The following PPP6R2 variants were observed in gnomAD, a reference collection of about 807,000 sequenced individuals.
PPP6R2 encodes protein phosphatase 6 regulatory subunit 2.
PPP6R2 carries 62 observed loss-of-function variants against 100.2 expected under a neutral mutation model. That is an observed-to-expected ratio of 0.62 (90% CI 0.50 to 0.76). The LOEUF (loss-of-function observed/expected upper bound fraction) is 0.76. Ranked by LOEUF, PPP6R2 falls within the 30% of genes least tolerant of loss-of-function variation. The probability of loss-of-function intolerance (pLI) is 0.00; values close to 1 mark genes in which losing one functional copy is unlikely to be tolerated. For synonymous variants in PPP6R2, 525 were observed against 514.7 expected, an observed-to-expected ratio of 1.02 and a Z score of -0.27; for missense variants, 1,142 against 1,276.3, an observed-to-expected ratio of 0.89 and a Z score of 1.60.
chr22:50,419,903 TC>T (rs2061081722), intron 8 of PPP6R2, among the ~76,000 whole-genome samples: 1 of 152,342 alleles, frequency 6.6e-6, no homozygotes, highest in African/African-American at 2.4e-5. Context: ...CACCGCTGTC[TC>T]CCGTGCCCTG....
rs182371519 is a variant in PPP6R2, at chr22:50,438,023, G to A, written c.1839+123G>A. On this transcript the variant is annotated intron_variant, in intron 17 of 23. Transcript: ENST00000612753. ...TGGGAGAGGCCCCTCTGTGGAGCTC[G>A]GAACAGTCGCTTTCCTTGCCCCTCC... 3,951 of 1,494,594 alleles carry A rather than the reference G, an allele frequency of 2.6e-3. 10 individuals carry two copies. Among genetic ancestry groups the A allele is most frequent in the African/African-American group, 5.2e-3 (372 of 71,728 alleles). 92.6% of individuals were successfully genotyped at this position (1,494,594 alleles called of 1,614,324 possible). A position where few individuals can be genotyped will look rare whatever the true frequency, so the allele number is the denominator to read the frequency against.
At chr22:50,437,425 T>C in intron 15 of PPP6R2, 81 bp from the exon 16 acceptor site, 1 of 969,566 alleles carries the variant, frequency 1.0e-6, no homozygotes, top group South Asian at 1.4e-5. Flanking sequence ...GAGATTGTGG[T>C]TCCCAAAGAG....
chr22:50,428,413 G>C (rs2062575513), intron 10 of PPP6R2, among the ~76,000 whole-genome samples: 1 of 152,058 alleles, frequency 6.6e-6, no homozygotes, highest in African/African-American at 2.4e-5. Flanking sequence ...AATTTTCTAT[G>C]TGTAAGATCA....
In PPP6R2 at chr22:50,410,918, C is replaced by T. The variant is rs189101513; in HGVS notation, c.415-3634C>T. Among the ~76,000 whole-genome samples the T allele has an allele frequency of 9.8e-3, 1,492 of 152,132 alleles. 10 individuals carry two copies. Among genetic ancestry groups the T allele is most frequent in the South Asian group, 0.033 (161 of 4,818 alleles). ...GTGATTCTCCTGCCTCAGCCTCCCG[C>T]GTAGCCAGGATTACAGGTGCCTGCC... On this transcript the variant is annotated intron_variant, in intron 4 of 23. Coordinates refer to ENST00000612753, the MANE Select transcript of PPP6R2 (RefSeq NM_001242898.2).
chr22:50,399,486 C>T (rs12163129), intron 3 of PPP6R2, among the ~76,000 whole-genome samples: 22,262 of 152,290 alleles, frequency 0.15, 2,007 homozygotes, highest in East Asian at 0.49. Flanking sequence ...CACCGCCTCC[C>T]GCAACCTGTT....
At chr22:50,419,323 C>A in intron 7 of PPP6R2, 26 bp from the exon 8 acceptor site, 2 of 1,588,346 alleles carry the variant, frequency 1.3e-6, no homozygotes, top group Non-Finnish European at 1.7e-6. Context: ...CTCTGCCAGG[C>A]AGTGACCTCT....
At chr22:50,399,502 TGGA>T (rs1042677902) in intron 3 of PPP6R2, among the ~76,000 whole-genome samples, 3 of 152,272 alleles carry the variant, frequency 2.0e-5, no homozygotes, top group Admixed American at 6.5e-5. Flanking sequence ...CTGTTAGCCT[TGGA>T]GGTCAGGGTT....
intron 4 of PPP6R2, among the ~76,000 whole-genome samples, chr22:50,410,568 C>G (rs1049955691): frequency 3.4e-5 from 5 of 147,278 alleles, no homozygotes; most frequent in Non-Finnish European, 7.4e-5. Flanking sequence ...CCTCCACCTC[C>G]TGGGTTCAAG....
At chr22:50,332,663 CA>C in the PPP6R2 span, among the ~76,000 whole-genome samples, 1 of 144,254 alleles carries the variant, frequency 6.9e-6, no homozygotes. Context: ...CTCGCTCTGT[CA>C]CCAGGCTGAA....
At chr22:50,339,995 T>C (rs2042354166), upstream of PPP6R2, among the ~76,000 whole-genome samples, 1 of 137,692 alleles carries the variant, frequency 7.3e-6, no homozygotes, top group Non-Finnish European at 1.6e-5. Context: ...GTGTGTGTTA[T>C]GTGGCGTGTG....
intron 4 of PPP6R2, 26 bp from the exon 5 acceptor site, chr22:50,414,526 T>C: frequency 6.2e-7 from 1 of 1,610,360 alleles, no homozygotes; most frequent in Non-Finnish European, 8.5e-7. Flanking sequence ...CGGCCCCGCC[T>C]GCCTCTCAGG....
chr22:50,440,021 C>G lies in PPP6R2; in HGVS notation c.2346C>G (p.Gly782=). Reference sequence around the variant, plus strand: ...ACACAGAATGCAGCCATGCTGAGGGCAGCCGGAGCCAAGGCCCTGAGAAAG... The same window carrying G: ...ACACAGAATGCAGCCATGCTGAGGGGAGCCGGAGCCAAGGCCCTGAGAAAG... ...PVDTECSHAE[G]SRSQGPEKAF... The change falls in exon 21 of 24, where the codon GGC becomes GGG. Residue 782 remains glycine (G), a synonymous_variant. Transcript: ENST00000612753. The G allele has an allele frequency of 1.2e-6, 2 of 1,613,360 alleles. No homozygotes were observed.
At chr22:50,395,536 T>C (rs1331620996) in intron 3 of PPP6R2, among the ~76,000 whole-genome samples, 2 of 152,088 alleles carry the variant, frequency 1.3e-5, no homozygotes, top group Non-Finnish European at 2.9e-5. Flanking sequence ...GTGTGTCCTG[T>C]GAGTGAAGAA....
At chr22:50,347,092 G>A (rs1329918934) in intron 1 of PPP6R2, among the ~76,000 whole-genome samples, 1 of 151,838 alleles carries the variant, frequency 6.6e-6, no homozygotes, top group Non-Finnish European at 1.5e-5. Flanking sequence ...CCCTCATCCT[G>A]CCTGTTGTGG....
In PPP6R2 at chr22:50,431,687, C is replaced by T. The variant is rs1162042155; in HGVS notation, c.1335+305C>T. ...AGCTGGAGGCCCAGGGAATAAATGCCCAGGGAGCCAGCAGTGTCAGTGATG... is the reference window on the plus strand; with the variant it reads ...AGCTGGAGGCCCAGGGAATAAATGCTCAGGGAGCCAGCAGTGTCAGTGATG... On this transcript the variant is annotated intron_variant, in intron 11 of 23. Coordinates refer to ENST00000612753, the MANE Select transcript of PPP6R2 (RefSeq NM_001242898.2). The surrounding 1 kb of genome is among the most constrained non-coding windows in gnomAD (Gnocchi z 4.8). Among the ~76,000 whole-genome samples the T allele has an allele frequency of 1.3e-5, 2 of 152,040 alleles. No individual in the cohort carries two copies. The highest frequency in any genetic ancestry group is 2.9e-5 in the Non-Finnish European group (2 of 68,002).
intron 1 of PPP6R2, among the ~76,000 whole-genome samples, chr22:50,368,976 C>T (rs941670076): frequency 4.6e-5 from 7 of 152,206 alleles, no homozygotes; most frequent in African/African-American, 1.7e-4. Context: ...CAGTGGCTCA[C>T]GCCTGTAATC....
intron 3 of PPP6R2, among the ~76,000 whole-genome samples, chr22:50,405,998 G>A (rs2058856437): frequency 6.9e-6 from 1 of 144,676 alleles, no homozygotes; most frequent in African/African-American, 2.6e-5. Context: ...TGAGAGACCT[G>A]CAGAGAGGTG....
In PPP6R2 at chr22:50,443,939, G is replaced by A. The variant is rs199696667; in HGVS notation, c.2653G>A (p.Val885Met). The change falls in exon 23 of 24, where the codon GTG becomes ATG. Residue 885 changes from valine to methionine, a missense_variant. Physicochemically the swap from Val to Met is conservative, Grantham distance 21. This residue lies in a region of PPP6R2 where 550 missense variants were observed against 517.4 expected (regional missense o/e 1.06). Transcript: ENST00000612753. ...APKEVTAAPA[V>M]AVPPEATVAI... The stretch of plus-strand genomic sequence containing the variant: ...AAAGGAAGTGACTGCTGCCCCAGCC[G>A]TGGCTGTGCCCCCCGAGGCTACTGT... 3.2e-5 allele frequency: 51 copies of A among 1,609,034 alleles called. No individual in the cohort carries two copies. The highest frequency in any genetic ancestry group is 1.7e-4 in the Middle Eastern group (1 of 6,020).
intron 2 of PPP6R2, among the ~76,000 whole-genome samples, chr22:50,391,319 A>C (rs1000176545): frequency 1.2e-4 from 18 of 147,592 alleles, no homozygotes; most frequent in African/African-American, 4.3e-4. Flanking sequence ...TGTAATCCCA[A>C]CTACTCAGGA....
Sources: gnomAD v4.1 joint callset for allele counts (sites outside exome capture counted in the v4.1 genomes callset) on GRCh38, gnomAD v4.1.1 for gene constraint, gnomAD v4.1.1 regional missense constraint, Gnocchi (gnomAD v3.1) non-coding constraint, MANE v1.5 for transcripts, NCBI Gene and HGNC (gene_info 2026-07-23, HGNC 2026-07-21) for gene names.